Variants in SDCCAG8 observed in about 807,000 individuals in gnomAD.
The protein encoded by SDCCAG8 is SHH signaling and ciliogenesis regulator SDCCAG8, also known as serologically defined colon cancer antigen 8.
A neutral mutation model predicts 101.8 loss-of-function variants in SDCCAG8; 74 were observed. The observed-to-expected ratio is 0.73, with a 90% confidence interval of 0.60 to 0.88. The LOEUF is 0.88. Among genes scored for constraint, SDCCAG8 ranks in the 40% least tolerant of loss-of-function variants. SDCCAG8 has a pLI of 0.00. For synonymous variants in SDCCAG8, 281 were observed against 292.9 expected, an observed-to-expected ratio of 0.96 and a Z score of 0.41; for missense variants, 787 against 822.6, an observed-to-expected ratio of 0.96 and a Z score of 0.53.
At position 243,326,606 on chromosome 1, in the gene SDCCAG8, C is replaced by T. The variant is rs182191980; in HGVS notation, c.1069-3934C>T. ...TTTATAAATTAAAATCAATAGTTTG[C>T]ATTATTCATAAGTTAGATGTTTGAA... is the stretch of plus-strand genomic sequence containing the variant. On this transcript the variant is annotated intron_variant, in intron 9 of 17. Transcript: ENST00000366541. 3.3e-5 allele frequency among the ~76,000 whole-genome samples: 5 copies of T among 152,200 alleles called. No homozygotes were observed. The East Asian group carries it at 9.7e-4, about 29-fold the overall frequency.
chr1:243,438,367 G>T lies in SDCCAG8; in HGVS notation c.1985+11809G>T, dbSNP rs533792511. Among the ~76,000 whole-genome samples the T allele has an allele frequency of 2.0e-5, 3 of 152,276 alleles. No individual in the cohort carries two copies. The South Asian group carries it at 6.2e-4, about 32-fold the overall frequency. On this transcript the variant is annotated intron_variant, in intron 16 of 17. Coordinates refer to ENST00000366541, the MANE Select transcript of SDCCAG8 (RefSeq NM_006642.5). ...TTCCTTGCTATGCCAAAGATAAAACGGTTCAATTGTTCTGCCTTCAGAGAG... is the reference window on the plus strand; with the variant it reads ...TTCCTTGCTATGCCAAAGATAAAACTGTTCAATTGTTCTGCCTTCAGAGAG...
intron 13 of SDCCAG8, among the ~76,000 whole-genome samples, chr1:243,399,501 A>T (rs1487544483): frequency 6.6e-6 from 1 of 151,856 alleles, no homozygotes; most frequent in Non-Finnish European, 1.5e-5. Context: ...TTTTTTAATT[A>T]TTATTTATTT....
At chr1:243,315,832 T>C (rs1263755633) in intron 8 of SDCCAG8, among the ~76,000 whole-genome samples, 1 of 152,212 alleles carries the variant, frequency 6.6e-6, no homozygotes, top group Non-Finnish European at 1.5e-5. Flanking sequence ...CGTGGTTTAG[T>C]CTTCAACTCT....
chr1:243,372,138 A>G (rs1026525055), intron 12 of SDCCAG8, among the ~76,000 whole-genome samples: 9 of 152,136 alleles, frequency 5.9e-5, no homozygotes, highest in Non-Finnish European at 1.3e-4. Flanking sequence ...TTCAATTTTC[A>G]GTATTATATA....
chr1:243,459,488 G>C (rs954009707), intron 16 of SDCCAG8, among the ~76,000 whole-genome samples: 10 of 151,482 alleles, frequency 6.6e-5, no homozygotes, highest in Middle Eastern at 3.4e-3. Flanking sequence ...AAGAACGGAG[G>C]TGTATTACAG....
chr1:243,335,516 GC>G (rs772602217), intron 10 of SDCCAG8, among the ~76,000 whole-genome samples: 226 of 152,314 alleles, frequency 1.5e-3, no homozygotes, highest in Non-Finnish European at 1.7e-3. Flanking sequence ...GCTGAAGTGT[GC>G]CTGGCAGTAT....
Position 243,474,945 on chromosome 1 carries a change from T to C in SDCCAG8, c.1986-14069T>C, listed in dbSNP as rs1662102073. On this transcript the variant is annotated intron_variant, in intron 16 of 17. Coordinates refer to ENST00000366541, the MANE Select transcript of SDCCAG8 (RefSeq NM_006642.5). This position sits in a 1 kb window ranked among gnomAD's most constrained non-coding sequence, Gnocchi z 4.7. ...GTTGCTCTTTTCTGAAGCAGAAAAT[T>C]ATCTCTAGGGATGACTTAGTAATAG... Among the ~76,000 whole-genome samples the C allele has an allele frequency of 2.0e-5, 3 of 152,196 alleles. No individual in the cohort carries two copies. The South Asian group carries it at 6.2e-4, about 31-fold the overall frequency.
chr1:243,452,423 T>C lies in SDCCAG8; in HGVS notation c.1985+25865T>C, dbSNP rs766488994. Among the ~76,000 whole-genome samples the C allele has an allele frequency of 3.6e-3, 505 of 139,084 alleles. 1 individual carries two copies. The highest frequency in any genetic ancestry group is 9.0e-3 in the South Asian group (38 of 4,232). The allele number at this position is 139,084 out of a possible 152,430, so 91.2% of individuals were successfully genotyped here. On this transcript the variant is annotated intron_variant, in intron 16 of 17. Transcript: ENST00000366541. The stretch of plus-strand genomic sequence containing the variant: ...TGAGATGATCTCATCTCTTTTTTTT[T>C]TTTTTTTTTTTTTTTTTGGGACAGT...
At chr1:243,486,026 C>T (rs1664722906) in intron 16 of SDCCAG8, among the ~76,000 whole-genome samples, 1 of 151,782 alleles carries the variant, frequency 6.6e-6, no homozygotes. Context: ...TGGAGAAACC[C>T]CGTCTCTACT....
intron 6 of SDCCAG8, among the ~76,000 whole-genome samples, chr1:243,298,256 G>A (rs866324209): frequency 2.6e-5 from 4 of 151,266 alleles, no homozygotes; most frequent in Middle Eastern, 3.4e-3. Context: ...TCACCATGTC[G>A]GCCAGACTAG....
intron 13 of SDCCAG8, among the ~76,000 whole-genome samples, chr1:243,390,634 G>A (rs562067010): frequency 6.6e-6 from 1 of 152,166 alleles, no homozygotes; most frequent in Non-Finnish European, 1.5e-5. Context: ...CTCCACTGGG[G>A]ATGCACTCAT....
chr1:243,323,795 C>A (rs570512223), intron 9 of SDCCAG8, among the ~76,000 whole-genome samples: 1 of 152,320 alleles, frequency 6.6e-6, no homozygotes, highest in South Asian at 2.1e-4. Context: ...TCATCTCAAT[C>A]CTCATTGGAC....
At chr1:243,454,083 T>C (rs963620983) in intron 16 of SDCCAG8, among the ~76,000 whole-genome samples, 2 of 152,212 alleles carry the variant, frequency 1.3e-5, no homozygotes, top group South Asian at 2.1e-4. Context: ...GATTTTTGCC[T>C]GATGCTTTTT....
intron 16 of SDCCAG8, among the ~76,000 whole-genome samples, chr1:243,448,774 C>G (rs2083129276): frequency 6.6e-6 from 1 of 152,226 alleles, no homozygotes; most frequent in Non-Finnish European, 1.5e-5. Context: ...AAACCATACT[C>G]TGGTCATCTT....
At chr1:243,485,046 A>G (rs1038484246) in intron 16 of SDCCAG8, among the ~76,000 whole-genome samples, 2 of 141,296 alleles carry the variant, frequency 1.4e-5, no homozygotes, top group African/African-American at 5.6e-5. Context: ...TCCATCTCAA[A>G]AAAAAAAAAA....
At chr1:243,421,553 A>G (rs1429731700) in intron 15 of SDCCAG8, among the ~76,000 whole-genome samples, 1 of 152,178 alleles carries the variant, frequency 6.6e-6, no homozygotes, top group Non-Finnish European at 1.5e-5. Context: ...TTAGCACAGT[A>G]GTTTGCGCGC....
intron 13 of SDCCAG8, among the ~76,000 whole-genome samples, chr1:243,406,033 C>T (rs2079758881): frequency 6.6e-6 from 1 of 152,068 alleles, no homozygotes; most frequent in African/African-American, 2.4e-5. Flanking sequence ...CATATTGATC[C>T]TACTGATACC....
intron 6 of SDCCAG8, among the ~76,000 whole-genome samples, chr1:243,296,883 T>C (rs1435939929): frequency 6.6e-6 from 1 of 152,190 alleles, no homozygotes; most frequent in East Asian, 1.9e-4. Context: ...CAGTCCTCAT[T>C]GCTCTAAACC....
intron 13 of SDCCAG8, among the ~76,000 whole-genome samples, chr1:243,400,327 A>G (rs541900578): frequency 4.5e-4 from 68 of 152,332 alleles, no homozygotes; most frequent in African/African-American, 1.5e-3. Flanking sequence ...CACTTGGGGA[A>G]AAACTGAACT....
Sources: allele counts gnomAD v4.1 joint callset (sites outside exome capture counted in the v4.1 genomes callset), GRCh38; gene constraint gnomAD v4.1.1; non-coding constraint Gnocchi (gnomAD v3.1); transcripts MANE v1.5; gene names NCBI Gene and HGNC (gene_info 2026-07-23, HGNC 2026-07-21).